The following FAM227B variants were observed in gnomAD, a reference collection of about 807,000 sequenced individuals.
FAM227B encodes protein FAM227B.
In FAM227B, 88 loss-of-function variants were observed where a neutral mutation model predicts 73.8. That is an observed-to-expected ratio of 1.19 (90% CI 1.00 to 1.42). The LOEUF (loss-of-function observed/expected upper bound fraction) is 1.42. FAM227B is among the 40% of genes most tolerant of loss of function. The pLI is 0.00. For missense variants in FAM227B, 632 were observed against 590.9 expected, an observed-to-expected ratio of 1.07 and a Z score of -0.72; for synonymous variants, 210 against 190.5, an observed-to-expected ratio of 1.10 and a Z score of -0.84.
At chr15:49,486,326 A>C (rs2056399271) in intron 11 of FAM227B, 2 of 152,014 alleles carry the variant, frequency 1.3e-5, no homozygotes, top group Admixed American at 1.3e-4. Context: ...TACTCTTGGG[A>C]GAGAGCATGA....
At chr15:49,574,511 GTGCC>G (rs2152371911) in intron 8 of FAM227B, among the ~76,000 whole-genome samples, 1 of 152,252 alleles carries the variant, frequency 6.6e-6, no homozygotes, top group Non-Finnish European at 1.5e-5. Context: ...TGTGAAGAAG[GTGCC>G]TGCTTCCCTT....
chr15:49,585,910 C>T (rs1050319584), intron 5 of FAM227B, among the ~76,000 whole-genome samples: 22 of 152,116 alleles, frequency 1.4e-4, no homozygotes, highest in South Asian at 4.2e-4. Context: ...GTTCCATGCT[C>T]GTGAACAGGA....
At chr15:49,401,746 C>G (rs1433044985) in intron 11 of FAM227B, among the ~76,000 whole-genome samples, 1 of 133,298 alleles carries the variant, frequency 7.5e-6, no homozygotes, top group African/African-American at 2.7e-5. Flanking sequence ...TAAACTATCG[C>G]AAGAACAAAA....
intron 3 of FAM227B, among the ~76,000 whole-genome samples, chr15:49,604,385 C>T (rs1311147386): frequency 6.6e-6 from 1 of 152,034 alleles, no homozygotes; most frequent in African/African-American, 2.4e-5. Context: ...ATCCCACTCT[C>T]TCCTGGATTT....
intron 11 of FAM227B, among the ~76,000 whole-genome samples, chr15:49,429,872 G>A (rs543730191): frequency 1.3e-5 from 2 of 152,024 alleles, no homozygotes; most frequent in South Asian, 2.1e-4. Context: ...CCAGGCATTA[G>A]TATTTGTTAA....
chr15:49,608,926 G>A (rs544035028), intron 3 of FAM227B, among the ~76,000 whole-genome samples: 60 of 152,072 alleles, frequency 3.9e-4, no homozygotes, highest in African/African-American at 1.4e-3. Context: ...TCAACACTTT[G>A]TACTTGAAGA....
intron 3 of FAM227B, among the ~76,000 whole-genome samples, chr15:49,608,900 A>G (rs1368655955): frequency 1.3e-5 from 2 of 152,026 alleles, no homozygotes; most frequent in Admixed American, 1.3e-4. Flanking sequence ...ATATATAAAT[A>G]TGGAAGAAAT....
intron 11 of FAM227B, among the ~76,000 whole-genome samples, chr15:49,507,323 C>T (rs1332066941): frequency 6.6e-6 from 1 of 152,036 alleles, no homozygotes; most frequent in African/African-American, 2.4e-5. Context: ...AGAATAACTT[C>T]CCAAAGAGTA....
At chr15:49,493,691 C>T (rs1269411831) in intron 11 of FAM227B, among the ~76,000 whole-genome samples, 2 of 151,852 alleles carry the variant, frequency 1.3e-5, no homozygotes, top group Non-Finnish European at 2.9e-5. Flanking sequence ...ACCTGTATGT[C>T]TATCTATCCA....
chr15:49,574,546 A>G (rs1254754558), intron 8 of FAM227B, among the ~76,000 whole-genome samples: 1 of 152,116 alleles, frequency 6.6e-6, no homozygotes, highest in Non-Finnish European at 1.5e-5. Context: ...CCATGATTGT[A>G]AGTTTCCTGA....
intron 11 of FAM227B, among the ~76,000 whole-genome samples, chr15:49,503,819 C>A (rs2058353235): frequency 6.6e-6 from 1 of 152,198 alleles, no homozygotes; most frequent in African/African-American, 2.4e-5. Flanking sequence ...CACGTTTACA[C>A]TGTTGGTGGG....
At chr15:49,456,022 G>C (rs933047335) in intron 11 of FAM227B, among the ~76,000 whole-genome samples, 26 of 152,036 alleles carry the variant, frequency 1.7e-4, no homozygotes, top group African/African-American at 5.8e-4. Flanking sequence ...TCAACATGCT[G>C]TTACATGCTT....
At chr15:49,467,047 C>T (rs902005963) in intron 11 of FAM227B, among the ~76,000 whole-genome samples, 4 of 152,040 alleles carry the variant, frequency 2.6e-5, no homozygotes, top group African/African-American at 9.7e-5. Flanking sequence ...TATCTTATGC[C>T]TGGGTAGCAG....
chr15:49,583,223 A>G (rs2152391189), intron 5 of FAM227B, among the ~76,000 whole-genome samples: 1 of 152,136 alleles, frequency 6.6e-6, no homozygotes, highest in East Asian at 1.9e-4. Context: ...AATTAACAAA[A>G]TAGACTGCTA....
intron 11 of FAM227B, among the ~76,000 whole-genome samples, chr15:49,408,070 T>C (rs1014532200): frequency 6.6e-6 from 1 of 152,342 alleles, no homozygotes; most frequent in Admixed American, 6.5e-5. Context: ...GTATCCCACA[T>C]TTCCTCTTGG....
At chr15:49,489,466 T>G in intron 11 of FAM227B, 1 of 622,624 alleles carries the variant, frequency 1.6e-6, no homozygotes, top group Non-Finnish European at 2.0e-6. Context: ...TACTTAGAAC[T>G]CCCAATGTAG....
At position 49,552,451 on chromosome 15, in the gene FAM227B, T is replaced by C. The variant is rs572788370; in HGVS notation, c.748-10645A>G. 9.8e-5 allele frequency among the ~76,000 whole-genome samples: 15 copies of C among 152,318 alleles called. No individual in the cohort carries two copies. In the South Asian group the frequency reaches 2.5e-3, roughly 25 times the overall value. On this transcript the variant is annotated intron_variant, in intron 9 of 15. Coordinates refer to ENST00000299338, the MANE Select transcript of FAM227B (RefSeq NM_152647.3). ...CCTTTGGGAGTCTGATTATTAAACA[T>C]CTTAAGTAATCTTTGGGTTAAACCT...
chr15:49,476,231 G>GT (rs1567351795), intron 11 of FAM227B, among the ~76,000 whole-genome samples: 15 of 29,130 alleles, frequency 5.1e-4, no homozygotes, highest in Middle Eastern at 0.019. Flanking sequence ...TTTTGTTTTT[G>GT]GTTTTTTTTT....
At chr15:49,528,177 G>A (rs1011425923) in intron 10 of FAM227B, among the ~76,000 whole-genome samples, 32 of 151,786 alleles carry the variant, frequency 2.1e-4, no homozygotes, top group Admixed American at 2.1e-3. Flanking sequence ...GCAAAATAGA[G>A]AACCTATAAA....
Sources: allele counts gnomAD v4.1 joint callset (sites outside exome capture counted in the v4.1 genomes callset), GRCh38; gene constraint gnomAD v4.1.1; transcripts MANE v1.5; gene names NCBI Gene and HGNC (gene_info 2026-07-23, HGNC 2026-07-21).